Variants in ARHGEF26 observed in about 807,000 individuals in gnomAD.
ARHGEF26 encodes the protein Rho guanine nucleotide exchange factor (GEF) 26.
A neutral mutation model predicts 89.4 loss-of-function variants in ARHGEF26; 59 were observed. That is an observed-to-expected ratio of 0.66 (90% CI 0.54 to 0.82). ARHGEF26 has a LOEUF of 0.82. Among genes scored for constraint, ARHGEF26 ranks in the 40% least tolerant of loss-of-function variants. The pLI is 0.00. For synonymous variants in ARHGEF26, 500 were observed against 428.4 expected (o/e 1.17, Z -2.06); for missense variants, 1,234 against 1,085.6 (o/e 1.14, Z -1.92).
intron 12 of ARHGEF26, among the ~76,000 whole-genome samples, chr3:154,252,873 G>T (rs1339284704): frequency 6.6e-6 from 1 of 152,038 alleles, no homozygotes; most frequent in Non-Finnish European, 1.5e-5. Flanking sequence ...TGTCATATGG[G>T]AAGTTCCTTT....
At chr3:154,140,160 C>A (rs1267583214) in intron 4 of ARHGEF26, among the ~76,000 whole-genome samples, 1 of 152,152 alleles carries the variant, frequency 6.6e-6, no homozygotes, top group Non-Finnish European at 1.5e-5. Context: ...GCTCTGGGAT[C>A]ATCACAGTAT....
chr3:154,157,468 C>T (rs1322351206), intron 6 of ARHGEF26, among the ~76,000 whole-genome samples: 1 of 152,120 alleles, frequency 6.6e-6, no homozygotes, highest in African/African-American at 2.4e-5. Context: ...TCACCATTTC[C>T]TAAAGCCTAT....
At chr3:154,193,282 T>TG (rs1160867805) in intron 8 of ARHGEF26, among the ~76,000 whole-genome samples, 1 of 152,218 alleles carries the variant, frequency 6.6e-6, no homozygotes, top group African/African-American at 2.4e-5. Context: ...AAATATTGTT[T>TG]CATAAAATCC....
chr3:154,137,472 G>C (rs909764768), intron 4 of ARHGEF26, among the ~76,000 whole-genome samples: 1 of 152,116 alleles, frequency 6.6e-6, no homozygotes, highest in African/African-American at 2.4e-5. Context: ...GTATTCTGTT[G>C]TAAGCACCCC....
intron 6 of ARHGEF26, among the ~76,000 whole-genome samples, chr3:154,179,403 G>T (rs981650853): frequency 3.3e-5 from 5 of 152,168 alleles, no homozygotes; most frequent in Non-Finnish European, 7.3e-5. Context: ...GCTTTTTAGA[G>T]TATCTTTCAG....
intron 6 of ARHGEF26, among the ~76,000 whole-genome samples, chr3:154,170,705 T>A (rs1712376957): frequency 6.6e-6 from 1 of 152,230 alleles, no homozygotes; most frequent in African/African-American, 2.4e-5. Context: ...TCAGTCAGTC[T>A]ATGGAAAGCC....
intron 6 of ARHGEF26, among the ~76,000 whole-genome samples, chr3:154,164,692 C>T (rs1182909020): frequency 1.3e-5 from 2 of 152,110 alleles, no homozygotes; most frequent in Non-Finnish European, 2.9e-5. Context: ...GAACAGGGCA[C>T]AATAGGAATG....
chr3:154,244,016 A>T (rs1304932948), intron 12 of ARHGEF26, among the ~76,000 whole-genome samples: 1 of 152,178 alleles, frequency 6.6e-6, no homozygotes, highest in Admixed American at 6.5e-5. Flanking sequence ...ATCAATAAGT[A>T]TATATTGTTT....
At chr3:154,225,382 C>A (rs1316762194) in intron 10 of ARHGEF26, among the ~76,000 whole-genome samples, 1 of 151,924 alleles carries the variant, frequency 6.6e-6, no homozygotes, top group Non-Finnish European at 1.5e-5. Context: ...TTGAAAGAAA[C>A]CTTTTTACTT....
intron 4 of ARHGEF26, among the ~76,000 whole-genome samples, chr3:154,140,195 TACTG>T (rs1337866659): frequency 6.6e-6 from 1 of 152,218 alleles, no homozygotes; most frequent in Non-Finnish European, 1.5e-5. Flanking sequence ...GCAGTTAAAT[TACTG>T]ACCACATATT....
At chr3:154,154,908 G>A (rs1720236911) in intron 6 of ARHGEF26, among the ~76,000 whole-genome samples, 1 of 151,696 alleles carries the variant, frequency 6.6e-6, no homozygotes, top group Admixed American at 6.6e-5. Context: ...CTATATATTA[G>A]CCATTCTATC....
chr3:154,129,803 C>T, intron 4 of ARHGEF26, 84 bp downstream of exon 4: 2 of 1,434,702 alleles, frequency 1.4e-6, no homozygotes, highest in Non-Finnish European at 1.9e-6. Flanking sequence ...TTGTTCTTTT[C>T]TGCCAGTGAT....
At position 154,256,522 on chromosome 3, in the gene ARHGEF26, C is replaced by T. The variant is rs557931152; in HGVS notation, c.*1049C>T. The T allele has an allele frequency of 3.7e-3, 3,559 of 952,794 alleles. 10 individuals are homozygous for T. The highest frequency in any genetic ancestry group is 4.2e-3 in the Non-Finnish European group (3,410 of 807,712). 59.0% of individuals were successfully genotyped at this position (952,794 alleles called of 1,614,324 possible). ...TGCTGGGATTATAGGCATGAGCCAC[C>T]GTGCCCAGCCTACTTTCTAATTAAT... On this transcript the variant is annotated 3_prime_UTR_variant, in exon 15 of 15. Transcript: ENST00000465093.
At chr3:154,237,650 T>C (rs1245422490) in intron 11 of ARHGEF26, among the ~76,000 whole-genome samples, 2 of 152,222 alleles carry the variant, frequency 1.3e-5, no homozygotes, top group Non-Finnish European at 2.9e-5. Context: ...GATGACTTGA[T>C]AGGTGAAACC....
chr3:154,221,158 A>C (rs79977955), intron 10 of ARHGEF26, among the ~76,000 whole-genome samples: 1 of 151,884 alleles, frequency 6.6e-6, no homozygotes, highest in Non-Finnish European at 1.5e-5. Flanking sequence ...AAAAAAAAAA[A>C]CCACTAGAAA....
intron 6 of ARHGEF26, among the ~76,000 whole-genome samples, chr3:154,173,076 A>G (rs1712552387): frequency 6.6e-6 from 1 of 152,204 alleles, no homozygotes; most frequent in Non-Finnish European, 1.5e-5. Context: ...TTACTTTATT[A>G]TCAGAATATA....
At chr3:154,252,200 C>T (rs1184115528) in intron 12 of ARHGEF26, among the ~76,000 whole-genome samples, 1 of 152,116 alleles carries the variant, frequency 6.6e-6, no homozygotes, top group East Asian at 1.9e-4. Flanking sequence ...TAGAGTGGCA[C>T]AGTAGAAACT....
chr3:154,165,532 G>A (rs896099301), intron 6 of ARHGEF26, among the ~76,000 whole-genome samples: 23 of 152,216 alleles, frequency 1.5e-4, no homozygotes, highest in African/African-American at 5.5e-4. Flanking sequence ...GGAAACTCAG[G>A]TGTTCAAACT....
chr3:154,124,177 T>C (rs1255190852), intron 2 of ARHGEF26, among the ~76,000 whole-genome samples: 1 of 152,254 alleles, frequency 6.6e-6, no homozygotes, highest in Non-Finnish European at 1.5e-5. Context: ...CAATCTGTTT[T>C]GACAGGGTGT....
Sources: gnomAD v4.1 joint callset for allele counts (sites outside exome capture counted in the v4.1 genomes callset) on GRCh38, gnomAD v4.1.1 for gene constraint, MANE v1.5 for transcripts, NCBI Gene and HGNC (gene_info 2026-07-23, HGNC 2026-07-21) for gene names.